Variants in COL4A3 observed in about 807,000 individuals in gnomAD.
COL4A3 encodes the protein collagen alpha-3(IV) chain.
A neutral mutation model predicts 217.4 loss-of-function variants in COL4A3; 135 were observed. The observed-to-expected ratio is 0.62, with a 90% CI of 0.54 to 0.72. The LOEUF (loss-of-function observed/expected upper bound fraction) is 0.72, where lower values mean the gene tolerates loss of function less well. Among genes scored for constraint, COL4A3 ranks in the 30% least tolerant of loss-of-function variants. COL4A3 has a pLI of 0.00. For missense variants in COL4A3, 1,868 were observed against 2,119.9 expected (o/e 0.88, Z 2.33); for synonymous variants, 690 against 736.3 (o/e 0.94, Z 1.02).
intron 1 of COL4A3, among the ~76,000 whole-genome samples, chr2:227,235,675 G>A (rs1300842430): frequency 6.6e-6 from 1 of 151,614 alleles, no homozygotes; most frequent in Non-Finnish European, 1.5e-5. Context: ...TGCTAAGTGA[G>A]AATATGCGAC....
At chr2:227,201,388 G>A (rs536571263) in intron 1 of COL4A3, among the ~76,000 whole-genome samples, 17 of 151,396 alleles carry the variant, frequency 1.1e-4, no homozygotes, top group Admixed American at 1.1e-3. Flanking sequence ...CCCAACACAT[G>A]TTGGGTAGAA....
At position 227,255,893 on chromosome 2, in the gene COL4A3, C is replaced by A; in HGVS notation, c.889-133C>A. 2.3e-6 allele frequency: 2 copies of A among 857,746 alleles called. 1 individual carries two copies. Among genetic ancestry groups the A allele is most frequent in the South Asian group, 2.9e-5 (2 of 68,022 alleles). 53.1% of individuals were successfully genotyped at this position (857,746 alleles called of 1,614,324 possible). Reference sequence around the variant, plus strand: ...GGTTAATAGTTTTTCCTTCTAACACCTGGGTGAAGATCTTTACTCAGGCTT... The same window carrying A: ...GGTTAATAGTTTTTCCTTCTAACACATGGGTGAAGATCTTTACTCAGGCTT... On this transcript the variant is annotated intron_variant, in intron 15 of 51. Coordinates refer to ENST00000396578, the MANE Select transcript of COL4A3 (RefSeq NM_000091.5).
chr2:227,295,104 G>A lies in COL4A3; in HGVS notation c.3517+42G>A, dbSNP rs527259084. 3.2e-6 allele frequency: 5 copies of A among 1,579,324 alleles called. No individual in the cohort carries two copies. In the South Asian group the frequency reaches 5.5e-5, roughly 17 times the overall value. The stretch of plus-strand genomic sequence containing the variant: ...ATCTTTGATCCGTTAGTTTTATTTT[G>A]GATAGAATCATTAGTAACAGTGTAA... On this transcript the variant is annotated intron_variant, in intron 40 of 51. Coordinates refer to ENST00000396578, the MANE Select transcript of COL4A3 (RefSeq NM_000091.5).
chr2:227,185,750 G>A (rs562073085), intron 1 of COL4A3, among the ~76,000 whole-genome samples: 3 of 152,306 alleles, frequency 2.0e-5, no homozygotes, highest in African/African-American at 7.2e-5. Context: ...ACTTCAGTGT[G>A]CATGAGAGGG....
At chr2:227,268,166 G>C (rs2071028566) in intron 23 of COL4A3, among the ~76,000 whole-genome samples, 1 of 152,198 alleles carries the variant, frequency 6.6e-6, no homozygotes, top group African/African-American at 2.4e-5. Flanking sequence ...AAGTTACAGA[G>C]CCCTTGGCCT....
In COL4A3 at chr2:227,282,394, G is replaced by A. The variant is rs1199126229; in HGVS notation, c.2518G>A (p.Asp840Asn). 6.2e-7 allele frequency: 1 copy of A among 1,612,884 alleles called. No homozygotes were observed. Among genetic ancestry groups the A allele is most frequent in the East Asian group, 2.2e-5 (1 of 44,818 alleles). Residue 840 changes from aspartate (D) to asparagine (N), a missense_variant, in exon 32 of 52, where the codon GAC (aspartate) becomes AAC (asparagine). Coordinates refer to ENST00000396578, the MANE Select transcript of COL4A3 (RefSeq NM_000091.5). This position sits in a 1 kb window ranked among gnomAD's most constrained non-coding sequence, Gnocchi z 4.4. ...AAGAGGTAAAACGGGGCCAAAGGGA[G>A]ACCCAGGAATTCCAGGCTTGGATAG... ...GRRGKTGPKG[D>N]PGIPGLDRSG...
chr2:227,261,474 C>A (rs949209835), intron 20 of COL4A3, among the ~76,000 whole-genome samples: 1 of 152,208 alleles, frequency 6.6e-6, no homozygotes. Context: ...TTGCACTGAG[C>A]TGAGATGGCA....
rs34554554 is a variant in COL4A3 at position 227,279,079 on chromosome 2, C to CTT, written c.2126-700_2126-699dup. Among the ~76,000 whole-genome samples, 1,231 of 143,780 alleles carry CTT rather than the reference C, an allele frequency of 8.6e-3. 9 individuals carry two copies. Among genetic ancestry groups the CTT allele is most frequent in the African/African-American group, 0.022 (843 of 39,050 alleles). The allele number at this position is 143,780 out of a possible 152,430, so 94.3% of individuals were successfully genotyped here. A position where few individuals can be genotyped will look rare whatever the true frequency, so the allele number is the denominator to read the frequency against. Reference sequence around the variant, plus strand: ...CTGGGGTGCTGAAAACGTTCTATATCTTTTTTTTTTTTTTTGAGACAAAGT... The same window carrying CTT: ...CTGGGGTGCTGAAAACGTTCTATATCTTTTTTTTTTTTTTTTTGAGACAAAGT... On this transcript the variant is annotated intron_variant, in intron 28 of 51. Transcript: ENST00000396578.
chr2:227,191,017 A>G lies in COL4A3; in HGVS notation c.87+26204A>G, dbSNP rs541940819. On this transcript the variant is annotated intron_variant, in intron 1 of 51. Coordinates refer to ENST00000396578, the MANE Select transcript of COL4A3 (RefSeq NM_000091.5). This position sits in a 1 kb window ranked among gnomAD's most constrained non-coding sequence, Gnocchi z 6.8. ...AGCATCTTCTTCTAGCACTTCTATT[A>G]TGTATAGAATTTTTTAAAAAATAGA... 5.9e-5 allele frequency among the ~76,000 whole-genome samples: 9 copies of G among 152,338 alleles called. No individual in the cohort carries two copies. Among genetic ancestry groups the G allele is most frequent in the African/African-American group, 1.9e-4 (8 of 41,582 alleles).
chr2:227,241,258 G>A (rs976616790), intron 3 of COL4A3, among the ~76,000 whole-genome samples: 3 of 152,118 alleles, frequency 2.0e-5, no homozygotes, highest in Non-Finnish European at 4.4e-5. Context: ...GGCTTCTCAC[G>A]CACCCACACA....
At chr2:227,265,616 A>G (rs1459146835) in intron 21 of COL4A3, among the ~76,000 whole-genome samples, 1 of 152,232 alleles carries the variant, frequency 6.6e-6, no homozygotes, top group Admixed American at 6.5e-5. Context: ...AACAAAGAGA[A>G]AACAGATGAT....
Position 227,313,579 on chromosome 2 carries a change from C to G in COL4A3, c.*1709C>G, listed in dbSNP as rs2073813712. On this transcript the variant is annotated 3_prime_UTR_variant, in exon 52 of 52. Coordinates refer to ENST00000396578, the MANE Select transcript of COL4A3 (RefSeq NM_000091.5). ...TTTAAATTCAGGCTACTGCTTCAAT[C>G]TCAATTGCTTTGTAAGTGAAAAACA... 1 of 152,674 alleles carries G rather than the reference C, an allele frequency of 6.5e-6. No individual in the cohort carries two copies. Among genetic ancestry groups the G allele is most frequent in the Non-Finnish European group, 1.5e-5 (1 of 68,054 alleles). The allele number at this position is 152,674 out of a possible 1,614,324, so 9.5% of individuals were successfully genotyped here. A position where few individuals can be genotyped will look rare whatever the true frequency, so the allele number is the denominator to read the frequency against.
intron 32 of COL4A3, among the ~76,000 whole-genome samples, chr2:227,283,300 TC>T (rs975399624): frequency 6.6e-6 from 1 of 152,236 alleles, no homozygotes; most frequent in Non-Finnish European, 1.5e-5. Flanking sequence ...CGACACATTA[TC>T]CTTTCATTCA....
intron 1 of COL4A3, among the ~76,000 whole-genome samples, chr2:227,231,797 G>A (rs886219047): frequency 1.3e-5 from 2 of 152,158 alleles, no homozygotes; most frequent in African/African-American, 2.4e-5. Flanking sequence ...CTCCCAATGT[G>A]CTGGGATTAT....
chr2:227,304,580 GAACT>G (rs1056193632), intron 46 of COL4A3, among the ~76,000 whole-genome samples: 2 of 152,120 alleles, frequency 1.3e-5, no homozygotes, highest in African/African-American at 2.4e-5. Flanking sequence ...TTTGGAAATT[GAACT>G]AACCCCTCTA....
chr2:227,199,503 G>A (rs1422460816), intron 1 of COL4A3, among the ~76,000 whole-genome samples: 1 of 152,130 alleles, frequency 6.6e-6, no homozygotes, highest in East Asian at 1.9e-4. Context: ...CAGACCTAAG[G>A]GATTTGTCTC....
chr2:227,254,259 G>T (rs1287826096), intron 14 of COL4A3, 85 bp downstream of exon 14: 51 of 994,976 alleles, frequency 5.1e-5, no homozygotes, highest in Non-Finnish European at 5.4e-5. Context: ...GTCTTAAGTT[G>T]TTTTTTTTTT....
At position 227,310,769 on chromosome 2, in the gene COL4A3, G is replaced by A. The variant is rs2106294562; in HGVS notation, c.4756-7G>A. 17 of 1,613,156 alleles carry A rather than the reference G, an allele frequency of 1.1e-5. No homozygotes were observed. The highest frequency in any genetic ancestry group is 1.4e-5 in the Non-Finnish European group (17 of 1,179,214). ...AGTGTTTATTCAGATTTTTAAAATT[G>A]TGGTAGTTCACAAGTGCAGGTTCTG... On this transcript the variant is annotated splice_region_variant and splice_polypyrimidine_tract_variant and intron_variant, in intron 50 of 51. Transcript: ENST00000396578.
At position 227,283,783 on chromosome 2, in the gene COL4A3, T is replaced by C. The variant is rs752986634; in HGVS notation, c.2673T>C (p.Ile891=). 8 of 1,614,060 alleles carry C rather than the reference T, an allele frequency of 5.0e-6. No individual in the cohort carries two copies. The highest frequency in any genetic ancestry group is 2.7e-5 in the African/African-American group (2 of 74,932). Residue 891 remains isoleucine, a synonymous_variant, in exon 33 of 52, where the codon ATT becomes ATC. Coordinates refer to ENST00000396578, the MANE Select transcript of COL4A3 (RefSeq NM_000091.5). ...ILGPPGEDGV[I]GMMGFPGAIG... ...TTTCCATAGGTGAAGATGGAGTGAT[T>C]GGGATGATGGGCTTTCCTGGAGCCA... is the stretch of plus-strand genomic sequence containing the variant.
Sources: gnomAD v4.1 joint callset for allele counts (sites outside exome capture counted in the v4.1 genomes callset) on GRCh38, gnomAD v4.1.1 for gene constraint, Gnocchi (gnomAD v3.1) non-coding constraint, MANE v1.5 for transcripts, NCBI Gene and HGNC (gene_info 2026-07-23, HGNC 2026-07-21) for gene names.